Variants in PDE6A observed in about 807,000 individuals in gnomAD.
PDE6A encodes the protein phosphodiesterase 6A, also known as rod cGMP-specific 3',5'-cyclic phosphodiesterase subunit alpha.
A neutral mutation model predicts 106.3 loss-of-function variants in PDE6A; 84 were observed. The observed-to-expected ratio is 0.79, with a 90% CI of 0.66 to 0.95. PDE6A has a LOEUF of 0.95. Among genes scored for constraint, PDE6A ranks in the 40% least tolerant of loss-of-function variants. PDE6A has a pLI of 0.00. For missense variants in PDE6A, 1,052 were observed against 1,084.9 expected (o/e 0.97, Z 0.43); for synonymous variants, 394 against 386.6 (o/e 1.02, Z -0.23).
At chr5:149,927,837 C>A (rs1753904601) in intron 4 of PDE6A, among the ~76,000 whole-genome samples, 1 of 148,470 alleles carries the variant, frequency 6.7e-6, no homozygotes, top group Admixed American at 6.7e-5. Flanking sequence ...ATTTTTTTTT[C>A]TTTTACTTTC....
At chr5:149,882,088 A>AAATAAATAAATAAAT (rs1167735544) in intron 17 of PDE6A, among the ~76,000 whole-genome samples, 4 of 137,576 alleles carry the variant, frequency 2.9e-5, no homozygotes, top group African/African-American at 1.0e-4. Context: ...ATAAATAAAT[A>AAATAAATAAATAAAT]AATAAAATGT....
In PDE6A at chr5:149,931,264, G is replaced by C. The variant is rs797016873; in HGVS notation, c.718-96C>G. On this transcript the variant is annotated intron_variant, in intron 3 of 21. Transcript: ENST00000255266. ...CAACAATTCTGTAAAGTTGTCTGGA[G>C]TTTATTTCATTTACCCTTCACAATA... 12 of 1,160,820 alleles carry C rather than the reference G, an allele frequency of 1.0e-5. No individual in the cohort carries two copies. The African/African-American group carries it at 1.8e-4, about 18-fold the overall frequency. 71.9% of individuals were successfully genotyped at this position (1,160,820 alleles called of 1,614,324 possible). A position where few individuals can be genotyped will look rare whatever the true frequency, so the allele number is the denominator to read the frequency against.
chr5:149,890,190 C>G (rs1752495096), intron 13 of PDE6A, among the ~76,000 whole-genome samples: 1 of 151,978 alleles, frequency 6.6e-6, no homozygotes, highest in Non-Finnish European at 1.5e-5. Context: ...CTCCTGACCT[C>G]AAATGATCCA....
At chr5:149,896,547 T>G in intron 11 of PDE6A, 45 bp from the exon 12 acceptor site, 1 of 1,614,124 alleles carries the variant, frequency 6.2e-7, no homozygotes, top group Non-Finnish European at 8.5e-7. Context: ...ATGAAGTGTT[T>G]CTGGGTGCCC....
At chr5:149,911,683 G>A (rs1753391183) in intron 6 of PDE6A, among the ~76,000 whole-genome samples, 1 of 152,022 alleles carries the variant, frequency 6.6e-6, no homozygotes, top group South Asian at 2.1e-4. Context: ...CATTTAACTT[G>A]AACATCTAGT....
At chr5:149,897,904 T>A (rs908661460) in intron 10 of PDE6A, among the ~76,000 whole-genome samples, 12 of 152,184 alleles carry the variant, frequency 7.9e-5, no homozygotes, top group Non-Finnish European at 1.8e-4. Context: ...GTCTTTTAAG[T>A]GAGCTGACCC....
chr5:149,868,496 C>T (rs907530431), intron 17 of PDE6A, among the ~76,000 whole-genome samples: 1 of 152,194 alleles, frequency 6.6e-6, no homozygotes, highest in Admixed American at 6.5e-5. Context: ...AGTGTCTGAA[C>T]ATGGTATATG....
intron 4 of PDE6A, among the ~76,000 whole-genome samples, chr5:149,923,565 TAACATAACATAACA>T (rs767512575): frequency 0.017 from 540 of 32,000 alleles, 10 homozygotes; most frequent in African/African-American, 0.052. Context: ...TAACATAACA[TAACATAACATAACA>T]AACAACAACA....
At chr5:149,895,362 T>A in intron 12 of PDE6A, 72 bp from the exon 13 acceptor site, 1 of 1,022,066 alleles carries the variant, frequency 9.8e-7, no homozygotes, top group Non-Finnish European at 1.6e-6. Flanking sequence ...ATAACAAAAA[T>A]ATGAAGAAGG....
At chr5:149,935,561 A>G (rs1754157384) in intron 1 of PDE6A, among the ~76,000 whole-genome samples, 1 of 152,208 alleles carries the variant, frequency 6.6e-6, no homozygotes. Context: ...AATGTAGGTC[A>G]CAAGGGATTG....
Position 149,944,736 on chromosome 5 carries a change from T to G in PDE6A, c.-63A>C, listed in dbSNP as rs1010724061. The G allele has an allele frequency of 5.5e-5, 75 of 1,367,346 alleles. No individual in the cohort carries two copies. The highest frequency in any genetic ancestry group is 7.5e-5 in the Non-Finnish European group (74 of 985,688). 84.7% of individuals were successfully genotyped at this position (1,367,346 alleles called of 1,614,324 possible). A position where few individuals can be genotyped will look rare whatever the true frequency, so the allele number is the denominator to read the frequency against. On this transcript the variant is annotated 5_prime_UTR_variant, in exon 1 of 22. Transcript: ENST00000255266. The stretch of plus-strand genomic sequence containing the variant: ...GGACGGAGGCCTTCCAATGGCAGTT[T>G]TGCAGTCTGCAACAAGTCCAGTCTG...
chr5:149,878,181 T>C (rs1222393845), intron 17 of PDE6A, among the ~76,000 whole-genome samples: 1 of 152,218 alleles, frequency 6.6e-6, no homozygotes, highest in Non-Finnish European at 1.5e-5. Flanking sequence ...CCCTTAAGGC[T>C]ATCTATGCTG....
intron 1 of PDE6A, among the ~76,000 whole-genome samples, chr5:149,941,151 T>G (rs1349742239): frequency 6.6e-6 from 1 of 152,226 alleles, no homozygotes; most frequent in East Asian, 1.9e-4. Flanking sequence ...TACTTGATTG[T>G]GAGTCTTTTA....
chr5:149,935,857 A>G (rs1478746998), intron 1 of PDE6A, among the ~76,000 whole-genome samples: 1 of 152,240 alleles, frequency 6.6e-6, no homozygotes, highest in East Asian at 1.9e-4. Context: ...GAACTTTTCT[A>G]AAACTAAGTC....
chr5:149,876,111 C>T lies in PDE6A; in HGVS notation c.2135+7318G>A, dbSNP rs540118626. Among the ~76,000 whole-genome samples, 73 of 152,080 alleles carry T rather than the reference C, an allele frequency of 4.8e-4. 1 individual carries two copies. The highest frequency in any genetic ancestry group is 8.8e-4 in the Non-Finnish European group (60 of 67,984). On this transcript the variant is annotated intron_variant, in intron 17 of 21. Coordinates refer to ENST00000255266, the MANE Select transcript of PDE6A (RefSeq NM_000440.3). ...TATGTAATTAAAATTTTTTCTTTGA[C>T]CATAAGCCTCTAAGTGTTGAAAAAT...
intron 4 of PDE6A, 59 bp downstream of exon 4, chr5:149,930,969 C>T (rs575428511): frequency 1.2e-4 from 191 of 1,539,100 alleles, no homozygotes; most frequent in Admixed American, 1.1e-3. Flanking sequence ...AGACTCTAGC[C>T]GTCAGTCAGT....
At chr5:149,887,388 G>A (rs1487850249) in intron 13 of PDE6A, among the ~76,000 whole-genome samples, 1 of 152,100 alleles carries the variant, frequency 6.6e-6, no homozygotes, top group Admixed American at 6.6e-5. Context: ...ATAAGACAGG[G>A]CCAGGCATGG....
chr5:149,940,328 A>C (rs1166149102), intron 1 of PDE6A, among the ~76,000 whole-genome samples: 1 of 152,140 alleles, frequency 6.6e-6, no homozygotes, highest in Non-Finnish European at 1.5e-5. Flanking sequence ...GTCCAGTTGG[A>C]TGAGTCCTCC....
At chr5:149,912,365 T>G (rs911051863) in intron 6 of PDE6A, among the ~76,000 whole-genome samples, 4 of 152,218 alleles carry the variant, frequency 2.6e-5, no homozygotes, top group Non-Finnish European at 5.9e-5. Context: ...CCTCTGTTAG[T>G]GTGGATGGCA....
Sources: allele counts gnomAD v4.1 joint callset (sites outside exome capture counted in the v4.1 genomes callset), GRCh38; gene constraint gnomAD v4.1.1; transcripts MANE v1.5; gene names NCBI Gene and HGNC (gene_info 2026-07-23, HGNC 2026-07-21).